Variants in HECTD4 observed in about 807,000 individuals in gnomAD.
HECTD4 encodes probable E3 ubiquitin-protein ligase HECTD4.
In HECTD4, 114 loss-of-function variants were observed where a neutral mutation model predicts 471.5. The observed-to-expected ratio is 0.24, with a 90% CI of 0.21 to 0.28. HECTD4 has a LOEUF of 0.28. Ranked by LOEUF, HECTD4 falls within the 10% of genes least tolerant of loss-of-function variation. The pLI is 1.00. For synonymous variants in HECTD4, 2,012 were observed against 2,256.0 expected, an observed-to-expected ratio of 0.89 and a Z score of 3.07; for missense variants, 3,866 against 5,651.5, an observed-to-expected ratio of 0.68 and a Z score of 10.13.
chr12:112,222,802 C>G (rs1232053634), intron 44 of HECTD4, among the ~76,000 whole-genome samples: 1 of 152,098 alleles, frequency 6.6e-6, no homozygotes, highest in Non-Finnish European at 1.5e-5. Flanking sequence ...ACACTGCACT[C>G]CAGCCTGGGT....
Position 112,188,253 on chromosome 12 carries a change from C to T in HECTD4, c.9472+2533G>A, listed in dbSNP as rs554545890. ...GCAGTGAGCTGAGATCGCACCACTG[C>T]GCTCCAGCCTGGGTGACAGAGTGAG... On this transcript the variant is annotated intron_variant, in intron 60 of 75. Transcript: ENST00000682272. This position sits in a 1 kb window ranked among gnomAD's most constrained non-coding sequence, Gnocchi z 4.2. 2.7e-4 allele frequency among the ~76,000 whole-genome samples: 41 copies of T among 152,228 alleles called. No homozygotes were observed. Among genetic ancestry groups the T allele is most frequent in the South Asian group, 8.3e-4 (4 of 4,824 alleles).
At chr12:112,347,078 T>A (rs1401851981) in intron 1 of HECTD4, among the ~76,000 whole-genome samples, 3 of 152,012 alleles carry the variant, frequency 2.0e-5, no homozygotes, top group Non-Finnish European at 4.4e-5. Context: ...GGCCTCGACT[T>A]TTCATGTTTC....
intron 1 of HECTD4, among the ~76,000 whole-genome samples, chr12:112,346,293 T>C (rs972795967): frequency 1.3e-5 from 2 of 152,184 alleles, no homozygotes; most frequent in Non-Finnish European, 2.9e-5. Flanking sequence ...AAAAATCATA[T>C]TCCCCCTATG....
intron 1 of HECTD4, among the ~76,000 whole-genome samples, chr12:112,330,141 G>A (rs971630746): frequency 6.6e-6 from 1 of 151,976 alleles, no homozygotes; most frequent in African/African-American, 2.4e-5. Flanking sequence ...GCCGGGCGTG[G>A]TGATGGGCGC....
In HECTD4 at chr12:112,184,876, G is replaced by C; in HGVS notation, c.10090C>G (p.Leu3364Val). 6.2e-7 allele frequency: 1 copy of C among 1,608,972 alleles called. No individual in the cohort carries two copies. Among genetic ancestry groups the C allele is most frequent in the Non-Finnish European group, 8.5e-7 (1 of 1,176,192 alleles). ...FHRALTLLII[L>V]RHLTRKDPQG... Reference sequence around the variant, plus strand: ...GGGTCCTTCCTGGTGAGGTGGCGGAGGATGATGAGCAGGGTGAGTGCGCGG... The same window carrying C: ...GGGTCCTTCCTGGTGAGGTGGCGGACGATGATGAGCAGGGTGAGTGCGCGG... Residue 3364 changes from leucine (L) to valine (V), a missense_variant, in exon 61 of 76, where the codon CTC (leucine) becomes GTC (valine). By Grantham distance (32) the Leu-to-Val change is conservative (BLOSUM62 1). Coordinates refer to ENST00000682272, the MANE Select transcript of HECTD4 (RefSeq NM_001388303.1). This position sits in a 1 kb window ranked among gnomAD's most constrained non-coding sequence, Gnocchi z 9.1.
chr12:112,302,206 C>T, intron 7 of HECTD4: 1 of 1,306,254 alleles, frequency 7.7e-7, no homozygotes, highest in African/African-American at 1.4e-5. Context: ...GTGCAATCAC[C>T]ACCAGCTGAG....
chr12:112,261,178 T>TA, intron 18 of HECTD4, 127 bp downstream of exon 18: 1 of 1,034,946 alleles, frequency 9.7e-7, no homozygotes, highest in Non-Finnish European at 1.3e-6. Context: ...CTTGCCCTTT[T>TA]AGCCTATTCT....
At chr12:112,264,728 T>C (rs995887464) in intron 16 of HECTD4, among the ~76,000 whole-genome samples, 5 of 152,220 alleles carry the variant, frequency 3.3e-5, no homozygotes, top group African/African-American at 1.2e-4. Flanking sequence ...TAGTTCTACA[T>C]TTCTAGGGTA....
chr12:112,304,238 ATTTTTTTTTTTTT>A (rs760947859), intron 7 of HECTD4, among the ~76,000 whole-genome samples: 1 of 104,398 alleles, frequency 9.6e-6, no homozygotes, highest in South Asian at 3.3e-4. Flanking sequence ...TAAAGACCTA[ATTTTTTTTTTTTT>A]TTTTTTTTTT....
chr12:112,358,553 A>G (rs774619946), intron 1 of HECTD4, among the ~76,000 whole-genome samples: 1 of 152,246 alleles, frequency 6.6e-6, no homozygotes, highest in African/African-American at 2.4e-5. Context: ...TAGCATATAT[A>G]GTATGATCTC....
rs996512369 is a variant in HECTD4 at position 112,212,645 on chromosome 12, C to T, written c.7471G>A (p.Val2491Met). The T allele has an allele frequency of 7.4e-6, 12 of 1,610,754 alleles. No individual in the cohort carries two copies. The highest frequency in any genetic ancestry group is 2.7e-5 in the African/African-American group (2 of 74,906). Residue 2491 changes from valine (V) to methionine (M), a missense_variant, in exon 49 of 76, where the codon GTG becomes ATG. Physicochemically the swap from Val to Met is conservative, Grantham distance 21 (BLOSUM62 1). This residue lies in a region of HECTD4 where 617 missense variants were observed against 915.1 expected (regional missense o/e 0.67). Coordinates refer to ENST00000682272, the MANE Select transcript of HECTD4 (RefSeq NM_001388303.1). Reference protein sequence around the residue: ...RLDVTLSPGDVAGIGWERTEG... With the variant: ...RLDVTLSPGDMAGIGWERTEG... Reference sequence around the variant, plus strand: ...GTTCTCTCCCAGCCAATTCCTGCCACGTCACCTATAGCAGAGAACGGGAAG... The same window carrying T: ...GTTCTCTCCCAGCCAATTCCTGCCATGTCACCTATAGCAGAGAACGGGAAG...
chr12:112,326,119 T>A (rs2035738782), intron 1 of HECTD4, among the ~76,000 whole-genome samples: 1 of 152,156 alleles, frequency 6.6e-6, no homozygotes, highest in Non-Finnish European at 1.5e-5. Context: ...AAGGAAACAG[T>A]CATTCTGGAA....
chr12:112,309,405 A>G (rs1013447855), intron 5 of HECTD4, among the ~76,000 whole-genome samples, 156 bp downstream of exon 5: 3 of 152,236 alleles, frequency 2.0e-5, no homozygotes, highest in African/African-American at 7.2e-5. Flanking sequence ...AAAGGTGGCA[A>G]TAAGAGAAGA....
intron 66 of HECTD4, 115 bp downstream of exon 66, chr12:112,175,621 T>G (rs190858072): frequency 7.9e-7 from 1 of 1,260,648 alleles, no homozygotes; most frequent in Admixed American, 2.5e-5. Flanking sequence ...AATTACGAAA[T>G]AACTCAGAAA....
intron 7 of HECTD4, among the ~76,000 whole-genome samples, chr12:112,284,248 T>G (rs2034703410): frequency 6.6e-6 from 1 of 152,236 alleles, no homozygotes. Flanking sequence ...TTCACAGGTC[T>G]TAAACAAAAC....
chr12:112,363,327 TC>T (rs1159545148), intron 1 of HECTD4, among the ~76,000 whole-genome samples: 2 of 151,980 alleles, frequency 1.3e-5, no homozygotes, highest in African/African-American at 4.8e-5. Context: ...CAGGCTGGTC[TC>T]CTGAGCTCAA....
chr12:112,236,850 A>T, intron 35 of HECTD4, 95 bp downstream of exon 35: 1 of 1,151,302 alleles, frequency 8.7e-7, no homozygotes, highest in Non-Finnish European at 1.2e-6. Context: ...CTAGTAATTT[A>T]GCTATTTTGA....
chr12:112,372,644 G>T (rs1450639229), intron 1 of HECTD4, among the ~76,000 whole-genome samples: 1 of 152,060 alleles, frequency 6.6e-6, no homozygotes, highest in South Asian at 2.1e-4. Flanking sequence ...TGCCCAGGCT[G>T]GTCTTGAACT....
At chr12:112,244,141 C>T in intron 29 of HECTD4, 132 bp from the exon 30 acceptor site, 1 of 742,462 alleles carries the variant, frequency 1.3e-6, no homozygotes, top group South Asian at 2.5e-5. Context: ...CTAGCTAGCA[C>T]AGCATACTGA....
Sources: gnomAD v4.1 joint callset for allele counts (sites outside exome capture counted in the v4.1 genomes callset) on GRCh38, gnomAD v4.1.1 for gene constraint, gnomAD v4.1.1 regional missense constraint, Gnocchi (gnomAD v3.1) non-coding constraint, MANE v1.5 for transcripts, NCBI Gene and HGNC (gene_info 2026-07-23, HGNC 2026-07-21) for gene names.